KCNQ5: variants seen among roughly 807,000 people sequenced by gnomAD.
The protein encoded by KCNQ5 is potassium voltage-gated channel subfamily KQT member 5.
KCNQ5 carries 30 observed loss-of-function variants against 98.2 expected under a neutral mutation model. The ratio of observed to expected loss-of-function variants is 0.31; its 90% CI spans 0.23 to 0.41. KCNQ5 has a LOEUF of 0.41. Among genes scored for constraint, KCNQ5 ranks in the 10% least tolerant of loss-of-function variants. KCNQ5 has a pLI of 1.00. For missense variants in KCNQ5, 835 were observed against 1,182.5 expected, an observed-to-expected ratio of 0.71 and a Z score of 4.31; for synonymous variants, 458 against 449.4, an observed-to-expected ratio of 1.02 and a Z score of -0.24.
intron 3 of KCNQ5, among the ~76,000 whole-genome samples, chr6:73,042,707 G>T (rs950471738): frequency 2.0e-5 from 3 of 152,122 alleles, no homozygotes; most frequent in Admixed American, 2.0e-4. Context: ...CTCCCTAGCT[G>T]CCATTGTTTC....
chr6:73,017,135 G>T (rs1770381036), intron 2 of KCNQ5, among the ~76,000 whole-genome samples: 1 of 152,050 alleles, frequency 6.6e-6, no homozygotes, highest in Non-Finnish European at 1.5e-5. Context: ...CTGGGGTCTG[G>T]AGTCCCAAAA....
chr6:72,938,245 A>T (rs1174470319), intron 1 of KCNQ5, among the ~76,000 whole-genome samples: 3 of 152,164 alleles, frequency 2.0e-5, no homozygotes, highest in African/African-American at 7.2e-5. Context: ...ATGGTTGCCT[A>T]AGCCTGGGAG....
intron 2 of KCNQ5, among the ~76,000 whole-genome samples, chr6:73,012,693 G>A (rs937887652): frequency 1.3e-5 from 2 of 151,970 alleles, no homozygotes; most frequent in African/African-American, 4.8e-5. Context: ...ATGAGCATTA[G>A]GAAAAATAGC....
intron 1 of KCNQ5, among the ~76,000 whole-genome samples, chr6:72,927,989 A>C (rs1383235499): frequency 2.6e-5 from 4 of 152,100 alleles, no homozygotes. Flanking sequence ...TGAAAAACTT[A>C]GTCTGGAGAA....
intron 1 of KCNQ5, among the ~76,000 whole-genome samples, chr6:72,667,604 A>T (rs375487507): frequency 3.9e-5 from 6 of 152,218 alleles, no homozygotes; most frequent in East Asian, 1.9e-4. Flanking sequence ...AGAAAAAGAT[A>T]GTCACTTTAC....
At chr6:73,140,899 A>G (rs1255319401) in intron 10 of KCNQ5, among the ~76,000 whole-genome samples, 2 of 152,152 alleles carry the variant, frequency 1.3e-5, no homozygotes, top group African/African-American at 2.4e-5. Flanking sequence ...ATTCAAAGAC[A>G]TATCCTACTC....
chr6:72,984,168 G>A (rs1401955259), intron 1 of KCNQ5, among the ~76,000 whole-genome samples: 1 of 152,202 alleles, frequency 6.6e-6, no homozygotes, highest in Non-Finnish European at 1.5e-5. Flanking sequence ...TGGGGGTCAG[G>A]GACCCACTTG....
intron 1 of KCNQ5, among the ~76,000 whole-genome samples, chr6:72,849,883 C>T (rs1196377611): frequency 6.6e-6 from 1 of 152,082 alleles, no homozygotes; most frequent in Non-Finnish European, 1.5e-5. Context: ...AAATGGCTCC[C>T]AGAGTCACCA....
chr6:73,102,717 G>A (rs1198023787), intron 5 of KCNQ5, among the ~76,000 whole-genome samples: 3 of 151,958 alleles, frequency 2.0e-5, no homozygotes, highest in African/African-American at 2.4e-5. Flanking sequence ...TAAATGACAG[G>A]CACTAACAAA....
At chr6:73,016,944 C>A (rs1770372470) in intron 2 of KCNQ5, among the ~76,000 whole-genome samples, 1 of 152,052 alleles carries the variant, frequency 6.6e-6, no homozygotes, top group African/African-American at 2.4e-5. Context: ...CTTGCTCTGG[C>A]CTACATATCC....
At chr6:72,779,080 T>C (rs1773314913) in intron 1 of KCNQ5, among the ~76,000 whole-genome samples, 1 of 152,022 alleles carries the variant, frequency 6.6e-6, no homozygotes, top group South Asian at 2.1e-4. Flanking sequence ...GTGGATGAAA[T>C]TGGAAGGAGA....
chr6:72,733,062 G>T (rs1770637077), intron 1 of KCNQ5, among the ~76,000 whole-genome samples: 1 of 152,206 alleles, frequency 6.6e-6, no homozygotes, highest in Non-Finnish European at 1.5e-5. Flanking sequence ...GGGTTAAGAT[G>T]CTAGTTGGAC....
chr6:72,878,301 T>C (rs1778502534), intron 1 of KCNQ5, among the ~76,000 whole-genome samples: 1 of 152,128 alleles, frequency 6.6e-6, no homozygotes, highest in African/African-American at 2.4e-5. Flanking sequence ...AATCCATAGA[T>C]GCCTTTGCTT....
intron 10 of KCNQ5, among the ~76,000 whole-genome samples, chr6:73,154,294 A>T (rs1023872169): frequency 6.6e-6 from 1 of 152,196 alleles, no homozygotes; most frequent in Non-Finnish European, 1.5e-5. Flanking sequence ...CCTAAGATTC[A>T]GAATTGAGTA....
chr6:73,166,829 T>C (rs1238539743), intron 10 of KCNQ5, among the ~76,000 whole-genome samples: 1 of 152,184 alleles, frequency 6.6e-6, no homozygotes, highest in African/African-American at 2.4e-5. Context: ...ATTACTCCAG[T>C]CTCTGCTTCC....
chr6:72,760,209 G>A (rs1426334964), intron 1 of KCNQ5, among the ~76,000 whole-genome samples: 2 of 152,100 alleles, frequency 1.3e-5, no homozygotes, highest in Non-Finnish European at 2.9e-5. Flanking sequence ...ATCAAGTCTG[G>A]TAATTCATGC....
intron 1 of KCNQ5, among the ~76,000 whole-genome samples, chr6:72,861,827 T>TTA (rs1777774107): frequency 6.8e-6 from 1 of 147,144 alleles, no homozygotes; most frequent in Admixed American, 6.7e-5. Flanking sequence ...TAAAGTATAA[T>TTA]AAAAAAAAAA....
intron 1 of KCNQ5, among the ~76,000 whole-genome samples, chr6:72,907,538 T>C (rs774155364): frequency 6.6e-6 from 1 of 152,188 alleles, no homozygotes; most frequent in Non-Finnish European, 1.5e-5. Flanking sequence ...TTCTCTACTA[T>C]GAAAATTGTG....
At chr6:72,801,751 G>T (rs941435742) in intron 1 of KCNQ5, among the ~76,000 whole-genome samples, 3 of 152,096 alleles carry the variant, frequency 2.0e-5, no homozygotes, top group Non-Finnish European at 4.4e-5. Context: ...GCATGGTTTT[G>T]CAGTGGCTGG....
Sources: gnomAD v4.1 joint callset for allele counts (sites outside exome capture counted in the v4.1 genomes callset) on GRCh38, gnomAD v4.1.1 for gene constraint, MANE v1.5 for transcripts, NCBI Gene and HGNC (gene_info 2026-07-23, HGNC 2026-07-21) for gene names.